Variants in COL19A1 observed in about 807,000 individuals in gnomAD.
COL19A1 encodes the protein collagen alpha-1(XIX) chain.
A neutral mutation model predicts 190.2 loss-of-function variants in COL19A1; 159 were observed. The observed-to-expected ratio is 0.84, with a 90% CI of 0.73 to 0.95. The LOEUF (loss-of-function observed/expected upper bound fraction) is 0.95, where lower values mean the gene tolerates loss of function less well. Among genes scored for constraint, COL19A1 ranks in the 40% least tolerant of loss-of-function variants. The pLI is 0.00. For missense variants in COL19A1, 1,418 were observed against 1,431.9 expected (o/e 0.99, Z 0.16); for synonymous variants, 509 against 458.9 (o/e 1.11, Z -1.39).
intron 2 of COL19A1, among the ~76,000 whole-genome samples, chr6:69,897,295 G>A (rs1006761546): frequency 6.6e-6 from 1 of 151,990 alleles, no homozygotes; most frequent in Admixed American, 6.6e-5. Flanking sequence ...TACGTTTTGG[G>A]TTATGTTTGT....
intron 35 of COL19A1, among the ~76,000 whole-genome samples, chr6:70,163,124 C>A (rs1012362565): frequency 3.3e-5 from 5 of 152,042 alleles, no homozygotes; most frequent in African/African-American, 1.2e-4. Context: ...ATGTGGTTGA[C>A]GAAGGTGAAA....
chr6:69,903,779 C>G (rs548609932), intron 4 of COL19A1, among the ~76,000 whole-genome samples: 40 of 152,316 alleles, frequency 2.6e-4, no homozygotes, highest in African/African-American at 9.6e-4. Context: ...ATGGGCACCT[C>G]TTGTCAACTA....
At chr6:69,898,444 C>T (rs1561975248) in intron 2 of COL19A1, among the ~76,000 whole-genome samples, 1 of 151,988 alleles carries the variant, frequency 6.6e-6, no homozygotes, top group African/African-American at 2.4e-5. Flanking sequence ...GATTTTATTT[C>T]TTTTTTTAAA....
chr6:69,879,906 C>T, intron 2 of COL19A1: 2 of 507,722 alleles, frequency 3.9e-6, no homozygotes, highest in Non-Finnish European at 6.9e-6. Flanking sequence ...TACAAGTATA[C>T]ATACATGCAT....
chr6:70,161,990 T>A, intron 35 of COL19A1, 37 bp downstream of exon 35: 1 of 1,563,462 alleles, frequency 6.4e-7, no homozygotes, highest in Non-Finnish European at 8.7e-7. Context: ...TCACAGCTTA[T>A]ATCTGCTGGT....
intron 15 of COL19A1, among the ~76,000 whole-genome samples, chr6:70,090,060 C>T (rs7754796): frequency 0.27 from 40,487 of 151,818 alleles, 7,247 homozygotes; most frequent in African/African-American, 0.46. Context: ...TACCTGTAGT[C>T]CCAGCTACTT....
intron 5 of COL19A1, among the ~76,000 whole-genome samples, chr6:69,929,110 G>C (rs1406219339): frequency 2.0e-5 from 3 of 150,476 alleles, no homozygotes; most frequent in Non-Finnish European, 4.4e-5. Context: ...TATAAATTAT[G>C]TATATATAAA....
intron 2 of COL19A1, among the ~76,000 whole-genome samples, chr6:69,897,484 CA>C (rs1419774693): frequency 0.021 from 3,229 of 151,960 alleles, 118 homozygotes; most frequent in African/African-American, 0.072. Context: ...CACACACACA[CA>C]CACCCCATAC....
At chr6:70,190,206 T>C in intron 47 of COL19A1, 109 bp from the exon 48 acceptor site, 1 of 786,470 alleles carries the variant, frequency 1.3e-6, no homozygotes, top group Non-Finnish European at 2.1e-6. Context: ...TTTTTCTTGA[T>C]AAATGCATCC....
intron 1 of COL19A1, among the ~76,000 whole-genome samples, chr6:69,871,573 T>G (rs1220080692): frequency 6.6e-6 from 1 of 152,176 alleles, no homozygotes; most frequent in Non-Finnish European, 1.5e-5. Context: ...CTCTTTCTAT[T>G]TCCTCCTCTT....
At position 69,997,426 on chromosome 6, in the gene COL19A1, T is replaced by C. The variant is rs73746846; in HGVS notation, c.1027-26201T>C. Among the ~76,000 whole-genome samples the C allele has an allele frequency of 8.7e-3, 1,332 of 152,320 alleles. 18 individuals are homozygous for C. Among genetic ancestry groups the C allele is most frequent in the African/African-American group, 0.03 (1,243 of 41,576 alleles). On this transcript the variant is annotated intron_variant, in intron 11 of 50. Coordinates refer to ENST00000620364, the MANE Select transcript of COL19A1 (RefSeq NM_001858.6). ...CTGAGAGGGCCAGGGTCTCAGATACTGAATTTAGCAAAGACTTTACAGAAA... is the reference window on the plus strand; with the variant it reads ...CTGAGAGGGCCAGGGTCTCAGATACCGAATTTAGCAAAGACTTTACAGAAA...
rs573853099 is a variant in COL19A1 at position 69,929,627 on chromosome 6, A to T, written c.593A>T (p.Asp198Val). ...AATTTAATTGCGAGGAGGCAGACTG[A>T]TGAAAAGGACACTGTGGATTTCCAT... Reference protein sequence around the residue: ...DCNLIARRQTDEKDTVDFHGR... With the variant: ...DCNLIARRQTVEKDTVDFHGR... Residue 198 changes from aspartate (D) to valine (V), a missense_variant, in exon 6 of 51, where the codon GAT (aspartate) becomes GTT (valine). Coordinates refer to ENST00000620364, the MANE Select transcript of COL19A1 (RefSeq NM_001858.6). 30 of 1,614,058 alleles carry T rather than the reference A, an allele frequency of 1.9e-5. No individual in the cohort carries two copies. The African/African-American group carries it at 2.8e-4, about 15-fold the overall frequency.
At chr6:69,890,183 C>T (rs1189193044) in intron 2 of COL19A1, 2 of 152,024 alleles carry the variant, frequency 1.3e-5, no homozygotes, top group Non-Finnish European at 2.9e-5. Context: ...CACAGTTTTA[C>T]ATAGGATTTA....
intron 15 of COL19A1, among the ~76,000 whole-genome samples, chr6:70,070,508 A>T (rs1438413960): frequency 6.6e-6 from 1 of 152,170 alleles, no homozygotes; most frequent in Non-Finnish European, 1.5e-5. Context: ...TGCCCTATTT[A>T]TCAAAAGAAG....
chr6:70,056,748 G>A (rs1017166779), intron 14 of COL19A1, among the ~76,000 whole-genome samples: 2 of 152,030 alleles, frequency 1.3e-5, no homozygotes, highest in African/African-American at 4.8e-5. Flanking sequence ...GTTAAAAAGA[G>A]ACGATACTTC....
intron 42 of COL19A1, among the ~76,000 whole-genome samples, chr6:70,176,952 T>C (rs979016519): frequency 1.3e-5 from 2 of 152,226 alleles, no homozygotes; most frequent in Non-Finnish European, 2.9e-5. Context: ...TCAAGTTCCT[T>C]GTATTAATGC....
At chr6:69,899,078 C>A in intron 3 of COL19A1, 56 bp downstream of exon 3, 2 of 1,126,960 alleles carry the variant, frequency 1.8e-6, no homozygotes, top group Non-Finnish European at 2.7e-6. Flanking sequence ...TCACCAAATG[C>A]TAGATATGGA....
intron 11 of COL19A1, among the ~76,000 whole-genome samples, chr6:69,998,950 T>A (rs1582645152): frequency 6.6e-6 from 1 of 152,110 alleles, no homozygotes; most frequent in Non-Finnish European, 1.5e-5. Context: ...TTAGAGTTTA[T>A]GTTTATCTTT....
intron 17 of COL19A1, among the ~76,000 whole-genome samples, chr6:70,125,057 G>A (rs1054316822): frequency 6.6e-6 from 1 of 151,872 alleles, no homozygotes; most frequent in African/African-American, 2.4e-5. Flanking sequence ...TTTTCCATTG[G>A]CATTGTCTCC....
Sources: gnomAD v4.1 joint callset for allele counts (sites outside exome capture counted in the v4.1 genomes callset) on GRCh38, gnomAD v4.1.1 for gene constraint, MANE v1.5 for transcripts, NCBI Gene and HGNC (gene_info 2026-07-23, HGNC 2026-07-21) for gene names.